Variants in POLR1A observed in about 807,000 individuals in gnomAD.
The protein encoded by POLR1A is DNA-directed RNA polymerase I subunit RPA1.
In POLR1A, 84 loss-of-function variants were observed where a neutral mutation model predicts 205.3. The ratio of observed to expected loss-of-function variants is 0.41; its 90% confidence interval spans 0.34 to 0.49. The LOEUF (loss-of-function observed/expected upper bound fraction) is 0.49. Among genes scored for constraint, POLR1A ranks in the 20% least tolerant of loss-of-function variants. The probability of loss-of-function intolerance (pLI) is 0.22; values close to 1 mark genes in which losing one functional copy is unlikely to be tolerated. For synonymous variants in POLR1A, 799 were observed against 863.7 expected (o/e 0.93, Z 1.31); for missense variants, 1,645 against 2,204.5 (o/e 0.75, Z 5.08).
intron 3 of POLR1A, among the ~76,000 whole-genome samples, chr2:86,095,886 C>T (rs545652317): frequency 6.6e-6 from 1 of 152,076 alleles, no homozygotes; most frequent in African/African-American, 2.4e-5. Context: ...TGCCACCACC[C>T]CCAGCTAATT....
intron 9 of POLR1A, among the ~76,000 whole-genome samples, chr2:86,079,321 A>G (rs1673353013): frequency 6.6e-6 from 1 of 152,196 alleles, no homozygotes; most frequent in Non-Finnish European, 1.5e-5. Flanking sequence ...TGCTCATGGC[A>G]TTACCTGGCT....
At position 86,071,741 on chromosome 2, in the gene POLR1A, C is replaced by T. The variant is rs79150666; in HGVS notation, c.1612-1469G>A. The stretch of plus-strand genomic sequence containing the variant: ...TCTCACAAAGCTGACTTTCCTGTAC[C>T]GCCTATTAAGACACTTACCACCCTT... On this transcript the variant is annotated intron_variant, in intron 12 of 33. Coordinates refer to ENST00000263857, the MANE Select transcript of POLR1A (RefSeq NM_015425.6). 3.9e-3 allele frequency among the ~76,000 whole-genome samples: 600 copies of T among 152,252 alleles called. 18 individuals carry two copies. In the East Asian group the frequency reaches 0.089, roughly 23 times the overall value.
intron 1 of POLR1A, among the ~76,000 whole-genome samples, chr2:86,103,136 G>A (rs1182962294): frequency 6.6e-6 from 1 of 152,220 alleles, no homozygotes; most frequent in African/African-American, 2.4e-5. Flanking sequence ...GGCAGAAAGG[G>A]CTATGACGAA....
At chr2:86,098,013 A>G (rs1351901508) in intron 3 of POLR1A, among the ~76,000 whole-genome samples, 1 of 152,236 alleles carries the variant, frequency 6.6e-6, no homozygotes, top group Non-Finnish European at 1.5e-5. Context: ...ATGTGTAAAT[A>G]TTATGTGTTA....
intron 23 of POLR1A, among the ~76,000 whole-genome samples, chr2:86,042,466 TGGTTATTTCTGGATCCAG>T (rs1207240595): frequency 6.6e-6 from 1 of 152,190 alleles, no homozygotes; most frequent in Non-Finnish European, 1.5e-5. Flanking sequence ...GCTGGATCCA[TGGTTATTTCTGGATCCAG>T]GCTCTTTCAC....
chr2:86,098,781 CA>C (rs1458435896), intron 2 of POLR1A, 21 bp from the exon 3 acceptor site: 4 of 1,612,908 alleles, frequency 2.5e-6, no homozygotes, highest in Non-Finnish European at 3.4e-6. Flanking sequence ...GGAATAAAAA[CA>C]AACAGGATAT....
At chr2:86,081,097 T>C in intron 8 of POLR1A, 119 bp from the exon 9 acceptor site, 1 of 896,156 alleles carries the variant, frequency 1.1e-6, no homozygotes, top group Non-Finnish European at 1.7e-6. Context: ...ACAACCAACC[T>C]TCCTAACCAA....
At chr2:86,094,764 G>C (rs979179099) in intron 3 of POLR1A, among the ~76,000 whole-genome samples, 1 of 151,840 alleles carries the variant, frequency 6.6e-6, no homozygotes, top group African/African-American at 2.4e-5. Context: ...GTATGTATTC[G>C]ATCAATTAAG....
chr2:86,040,637 C>A, intron 24 of POLR1A, 78 bp from the exon 25 acceptor site: 1 of 1,169,820 alleles, frequency 8.5e-7, no homozygotes, highest in South Asian at 1.7e-5. Context: ...TCAATGCTGC[C>A]CGAAACCAGA....
rs1673152623 is a variant in POLR1A at position 86,070,292 on chromosome 2, G to C, written c.1612-20C>G. 1 of 1,591,402 alleles carries C rather than the reference G, an allele frequency of 6.3e-7. No homozygotes were observed. The highest frequency in any genetic ancestry group is 8.6e-7 in the Non-Finnish European group (1 of 1,166,678). On this transcript the variant is annotated intron_variant, in intron 12 of 33. Transcript: ENST00000263857. The surrounding 1 kb of genome is among the most constrained non-coding windows in gnomAD (Gnocchi z 4.4). ...GCACACCTGGGAACAGAGTGGACAG[G>C]TGGGTGATCAGTGCAAACGTCAGTA...
At chr2:86,044,465 C>T in intron 21 of POLR1A, 161 bp from the exon 22 acceptor site, 1 of 696,620 alleles carries the variant, frequency 1.4e-6, no homozygotes, top group Non-Finnish European at 2.4e-6. Context: ...GGGGTCTGGG[C>T]TTGCTCCAGT....
chr2:86,080,831 T>C lies in POLR1A; in HGVS notation c.1071A>G (p.Thr357=). The C allele has an allele frequency of 6.2e-7, 1 of 1,612,322 alleles. No homozygotes were observed. Among genetic ancestry groups the C allele is most frequent in the Non-Finnish European group, 8.5e-7 (1 of 1,179,062 alleles). ...CAGCCCTGACCTCATCTGTAGTGGG[T>C]GTGGCCACTTCCTCTGGCAACTTCT... ...QEQKLPEEVA[T]PTTDEEKDSL... is the part of the protein sequence containing the mutation. Residue 357 remains threonine (T), a synonymous_variant, in exon 9 of 34, where the codon ACA becomes ACG. Coordinates refer to ENST00000263857, the MANE Select transcript of POLR1A (RefSeq NM_015425.6).
In POLR1A at chr2:86,024,016, TGG is replaced by T. The variant is rs761661587; in HGVS notation, c.*3405_*3406del. Reference sequence around the variant, plus strand: ...TGCCCGCCTCGGCCTCCCAACGTATTGGGATTACAGGTGTGAACGCCTGGCCT... The same window carrying T: ...TGCCCGCCTCGGCCTCCCAACGTATTGATTACAGGTGTGAACGCCTGGCCT... On this transcript the variant is annotated 3_prime_UTR_variant, in exon 34 of 34. Coordinates refer to ENST00000263857, the MANE Select transcript of POLR1A (RefSeq NM_015425.6). 2.0e-5 allele frequency: 3 copies of T among 152,386 alleles called. No individual in the cohort carries two copies. Among genetic ancestry groups the T allele is most frequent in the Non-Finnish European group, 4.4e-5 (3 of 68,220 alleles). The allele number at this position is 152,386 out of a possible 1,614,324, so 9.4% of individuals were successfully genotyped here. A position where few individuals can be genotyped will look rare whatever the true frequency, so the allele number is the denominator to read the frequency against.
chr2:86,047,082 G>T (rs754874735), intron 19 of POLR1A, 83 bp downstream of exon 19: 2 of 867,188 alleles, frequency 2.3e-6, no homozygotes, highest in Non-Finnish European at 3.9e-6. Flanking sequence ...TGTTTTATAG[G>T]GAACAAACTG....
intron 22 of POLR1A, 38 bp downstream of exon 22, chr2:86,044,101 A>C: frequency 6.2e-7 from 1 of 1,607,338 alleles, no homozygotes; most frequent in Non-Finnish European, 8.5e-7. Context: ...GGGGAGGCCT[A>C]CTGCTCGGCC....
At position 86,083,087 on chromosome 2, in the gene POLR1A, T is replaced by C. The variant is rs372872537; in HGVS notation, c.812A>G (p.Asn271Ser). 48 of 1,612,646 alleles carry C rather than the reference T, an allele frequency of 3.0e-5. No individual in the cohort carries two copies. The highest frequency in any genetic ancestry group is 3.3e-4 in the Middle Eastern group (2 of 6,084). ...TCTTTAGCCTGATACAGCACCTTCA[T>C]TCTTCCACAGGGCAGAAAGGTGTTC... is the stretch of plus-strand genomic sequence containing the variant. ...AREHLSALWKNEGFFLNYLFS... is the reference protein window; with the variant it reads ...AREHLSALWKSEGFFLNYLFS... The change falls in exon 7 of 34, where the codon AAT becomes AGT. Residue 271 changes from asparagine to serine, a missense_variant. Around this residue, in one of 16 missense-constraint regions of POLR1A, gnomAD observed 330 missense variants for 375.6 expected, o/e 0.88. Transcript: ENST00000263857.
chr2:86,058,982 A>G (rs1406624853), intron 14 of POLR1A, among the ~76,000 whole-genome samples: 1 of 152,116 alleles, frequency 6.6e-6, no homozygotes, highest in East Asian at 1.9e-4. Flanking sequence ...AATAAAAGAT[A>G]AGTCAATGAA....
chr2:86,044,444 T>G, intron 21 of POLR1A, 140 bp from the exon 22 acceptor site: 1 of 831,554 alleles, frequency 1.2e-6, no homozygotes, highest in South Asian at 1.7e-5. Flanking sequence ...ACAGGCTAGA[T>G]CCAATGCCCC....
At chr2:86,052,240 C>G (rs965531306) in intron 16 of POLR1A, among the ~76,000 whole-genome samples, 5 of 152,178 alleles carry the variant, frequency 3.3e-5, no homozygotes, top group African/African-American at 1.2e-4. Flanking sequence ...CCACTGCACC[C>G]AGCCGGCAGT....
Sources: allele counts gnomAD v4.1 joint callset (sites outside exome capture counted in the v4.1 genomes callset), GRCh38; gene constraint gnomAD v4.1.1; regional missense constraint gnomAD v4.1.1; non-coding constraint Gnocchi (gnomAD v3.1); transcripts MANE v1.5; gene names NCBI Gene and HGNC (gene_info 2026-07-23, HGNC 2026-07-21).